RBFOX1: variants seen among roughly 807,000 people sequenced by gnomAD.
RBFOX1 encodes RNA binding fox-1 homolog 1.
In RBFOX1, 8 loss-of-function variants were observed where a neutral mutation model predicts 57.7. The observed-to-expected ratio is 0.14, with a 90% CI of 0.08 to 0.25. The LOEUF is 0.25. Among genes scored for constraint, RBFOX1 ranks in the 10% least tolerant of loss-of-function variants. The pLI is 1.00. For missense variants in RBFOX1, 611 were observed against 548.5 expected, an observed-to-expected ratio of 1.11 and a Z score of -1.14; for synonymous variants, 326 against 222.4, an observed-to-expected ratio of 1.47 and a Z score of -4.15.
intron 2 of RBFOX1, among the ~76,000 whole-genome samples, chr16:5,598,515 A>C (rs2047261996): frequency 6.6e-6 from 1 of 152,212 alleles, no homozygotes; most frequent in South Asian, 2.1e-4. Flanking sequence ...TTACATTTTT[A>C]AACATAGCAA....
At position 5,699,500 on chromosome 16, in the gene RBFOX1, C is replaced by T. The variant is rs2050959985; in HGVS notation, c.318+100539C>T. 2.0e-5 allele frequency among the ~76,000 whole-genome samples: 3 copies of T among 151,810 alleles called. No homozygotes were observed. The South Asian group carries it at 6.2e-4, about 32-fold the overall frequency. ...GGTTCTTAACTGAAGGCAATTTTGC[C>T]CCCAAGAGGATGTTTTAGATAGAGA... On this transcript the variant is annotated intron_variant, in intron 3 of 19. Transcript: ENST00000641259.
intron 2 of RBFOX1, among the ~76,000 whole-genome samples, chr16:5,514,373 T>C (rs1361070244): frequency 6.6e-6 from 1 of 152,126 alleles, no homozygotes; most frequent in Non-Finnish European, 1.5e-5. Flanking sequence ...AGAAAGGAAG[T>C]AGCAAGGTGT....
In RBFOX1 at chr16:6,901,866, G is replaced by C. The variant is rs183704213; in HGVS notation, c.-15-150191G>C. On this transcript the variant is annotated intron_variant, in intron 3 of 15. Transcript: ENST00000550418. ...GGGAATTGATGAAAAATGTTCTGGA[G>C]TTCCCCATGTGAGCCTAAGTGATGA... Among the ~76,000 whole-genome samples the C allele has an allele frequency of 6.8e-4, 103 of 152,314 alleles. 1 individual carries two copies. The East Asian group carries it at 0.02, about 29-fold the overall frequency.
At chr16:7,495,755 C>T (rs1035012075) in intron 4 of RBFOX1, among the ~76,000 whole-genome samples, 1 of 152,172 alleles carries the variant, frequency 6.6e-6, no homozygotes, top group Non-Finnish European at 1.5e-5. Flanking sequence ...GGGTACAGTA[C>T]ACACTGCTTG....
chr16:7,062,507 A>G (rs1210802860), intron 4 of RBFOX1, among the ~76,000 whole-genome samples: 2 of 152,212 alleles, frequency 1.3e-5, no homozygotes, highest in East Asian at 1.9e-4. Context: ...TCTGCATCCA[A>G]CAGACATTTC....
chr16:5,623,017 G>A (rs909116560), intron 3 of RBFOX1, among the ~76,000 whole-genome samples: 4 of 152,148 alleles, frequency 2.6e-5, no homozygotes, highest in African/African-American at 9.7e-5. Flanking sequence ...ATACTATGCC[G>A]CTTTGTATGA....
chr16:6,803,611 G>A (rs533487958), intron 3 of RBFOX1, among the ~76,000 whole-genome samples: 1 of 152,126 alleles, frequency 6.6e-6, no homozygotes, highest in Admixed American at 6.6e-5. Context: ...AAGGAAACAG[G>A]ATTCCTAAAC....
At chr16:5,276,550 C>T (rs1480484427) in intron 1 of RBFOX1, among the ~76,000 whole-genome samples, 3 of 152,116 alleles carry the variant, frequency 2.0e-5, no homozygotes, top group Non-Finnish European at 2.9e-5. Flanking sequence ...TTTGGGAGGC[C>T]GAGGCGGGTG....
At chr16:6,111,217 C>T (rs901523645) in intron 1 of RBFOX1, among the ~76,000 whole-genome samples, 4 of 152,184 alleles carry the variant, frequency 2.6e-5, no homozygotes, top group African/African-American at 9.6e-5. Flanking sequence ...CTTGCTGGAA[C>T]AGACGTCTCA....
intron 4 of RBFOX1, among the ~76,000 whole-genome samples, chr16:7,371,100 G>T (rs904997060): frequency 2.0e-5 from 3 of 152,188 alleles, no homozygotes; most frequent in Admixed American, 1.3e-4. Flanking sequence ...TCAGAAGCCT[G>T]TCTGATGTTT....
Position 5,857,535 on chromosome 16 carries a change from T to C in RBFOX1, c.319-9768T>C, listed in dbSNP as rs1387797802. ...AGTGCAATAAAATGACCTGGGCCTG[T>C]AATAACCTCCCACCTCTGGCTGTGA... is the stretch of plus-strand genomic sequence containing the variant. On this transcript the variant is annotated intron_variant, in intron 3 of 19. Coordinates refer to the RBFOX1 transcript ENST00000641259. Among the ~76,000 whole-genome samples, 3 of 152,158 alleles carry C rather than the reference T, an allele frequency of 2.0e-5. No individual in the cohort carries two copies. In the East Asian group the frequency reaches 5.8e-4, roughly 29 times the overall value.
chr16:7,410,268 C>G lies in RBFOX1; in HGVS notation c.28-107879C>G, dbSNP rs113182063. Among the ~76,000 whole-genome samples, 4 of 152,212 alleles carry G rather than the reference C, an allele frequency of 2.6e-5. No individual in the cohort carries two copies. In the South Asian group the frequency reaches 8.3e-4, roughly 31 times the overall value. ...GTGTTGGCTCCTTAGACCAACACAG[C>G]CACTGTCTATTACAGATACTGTTAT... On this transcript the variant is annotated intron_variant, in intron 4 of 15. Transcript: ENST00000550418.
intron 1 of RBFOX1, among the ~76,000 whole-genome samples, chr16:6,081,884 C>T (rs1306276300): frequency 6.6e-6 from 1 of 152,100 alleles, no homozygotes; most frequent in East Asian, 1.9e-4. Context: ...GAGTTAAGTC[C>T]ATTTGAACAA....
rs369873846 is a variant in RBFOX1, at chr16:7,118,139, T to A, written c.27+66041T>A. Among the ~76,000 whole-genome samples, 26 of 152,168 alleles carry A rather than the reference T, an allele frequency of 1.7e-4. 1 individual carries two copies. Among genetic ancestry groups the A allele is most frequent in the African/African-American group, 4.3e-4 (18 of 41,430 alleles). ...CAAATGGTAGATCTATTTTTAGCTC[T>A]TTGAGAAATCTGCATACTGTTGCAT... On this transcript the variant is annotated intron_variant, in intron 4 of 15. Transcript: ENST00000550418.
At chr16:7,304,591 G>C (rs1377658253) in intron 4 of RBFOX1, 2 of 985,250 alleles carry the variant, frequency 2.0e-6, no homozygotes, top group East Asian at 1.1e-4. Flanking sequence ...TTCTGAGGAG[G>C]GGGCTCCCGC....
At chr16:6,393,724 T>C (rs2092703650) in intron 2 of RBFOX1, among the ~76,000 whole-genome samples, 1 of 152,184 alleles carries the variant, frequency 6.6e-6, no homozygotes, top group South Asian at 2.1e-4. Flanking sequence ...AACACTTTTC[T>C]TTAAGGAAAG....
At position 5,962,773 on chromosome 16, in the gene RBFOX1, G is replaced by A. The variant is rs547613346; in HGVS notation, c.351+95438G>A. Among the ~76,000 whole-genome samples the A allele has an allele frequency of 5.3e-5, 8 of 150,638 alleles. No homozygotes were observed. In the South Asian group the frequency reaches 1.1e-3, roughly 20 times the overall value. Reference sequence around the variant, plus strand: ...CTCTGGATTAGGAATTGGGTCATTCGCTTTTCAGTAATCCAGCAGCTACGG... The same window carrying A: ...CTCTGGATTAGGAATTGGGTCATTCACTTTTCAGTAATCCAGCAGCTACGG... On this transcript the variant is annotated intron_variant, in intron 4 of 19. Coordinates refer to the RBFOX1 transcript ENST00000641259.
At chr16:5,925,061 A>G (rs2058913929) in intron 4 of RBFOX1, among the ~76,000 whole-genome samples, 1 of 152,166 alleles carries the variant, frequency 6.6e-6, no homozygotes, top group Non-Finnish European at 1.5e-5. Flanking sequence ...GAAGCTGGTC[A>G]TCCATACTTT....
intron 1 of RBFOX1, among the ~76,000 whole-genome samples, chr16:6,285,441 G>T (rs1237779145): frequency 1.3e-5 from 2 of 152,130 alleles, no homozygotes; most frequent in Non-Finnish European, 2.9e-5. Context: ...AAGTTTATGG[G>T]AGCCAAACAC....
Sources: allele counts gnomAD v4.1 joint callset (sites outside exome capture counted in the v4.1 genomes callset), GRCh38; gene constraint gnomAD v4.1.1; transcripts MANE v1.5; gene names NCBI Gene and HGNC (gene_info 2026-07-23, HGNC 2026-07-21).